The following PHIP variants were observed in gnomAD, a reference collection of about 807,000 sequenced individuals.
The protein encoded by PHIP is PHIP subunit of CUL4-Ring ligase complex.
Under a neutral mutation model 236.8 loss-of-function variants are expected in PHIP, and 54 were observed. The observed-to-expected ratio is 0.23, with a 90% CI of 0.18 to 0.29. The LOEUF (loss-of-function observed/expected upper bound fraction) is 0.29. Ranked by LOEUF, PHIP falls within the 10% of genes least tolerant of loss-of-function variation. The pLI, the probability that PHIP is intolerant of heterozygous loss-of-function variation, is 1.00. For missense variants in PHIP, 1,370 were observed against 2,190.8 expected (o/e 0.63, Z 7.48); for synonymous variants, 756 against 718.9 (o/e 1.05, Z -0.83).
Position 78,945,446 on chromosome 6 carries a change from G to A in PHIP, c.4682C>T (p.Pro1561Leu). 6.2e-7 allele frequency: 1 copy of A among 1,610,812 alleles called. No homozygotes were observed. Among genetic ancestry groups the A allele is most frequent in the Non-Finnish European group, 8.5e-7 (1 of 1,177,202 alleles). ...HSKALNTLSSPGQSSFSHGTR... is the reference protein window; with the variant it reads ...HSKALNTLSSLGQSSFSHGTR... ...GCCATGACTAAAACTGGATTGACCAGGACTGGAAAGAGTATTCAAAGCTTT... is the reference window on the plus strand; with the variant it reads ...GCCATGACTAAAACTGGATTGACCAAGACTGGAAAGAGTATTCAAAGCTTT... The change falls in exon 39 of 40, where the codon CCT (proline) becomes CTT (leucine). Residue 1561 changes from proline (P) to leucine (L), a missense_variant. Around this residue, in one of 14 missense-constraint regions of PHIP, gnomAD observed 309 missense variants for 328.3 expected, o/e 0.94. Coordinates refer to ENST00000275034, the MANE Select transcript of PHIP (RefSeq NM_017934.7).
chr6:79,026,720 G>C (rs527987620), intron 7 of PHIP, among the ~76,000 whole-genome samples: 2 of 151,834 alleles, frequency 1.3e-5, no homozygotes, highest in South Asian at 4.1e-4. Flanking sequence ...TGCCATAGTA[G>C]TGTAAGTCCA....
chr6:79,036,766 A>C (rs1365866400), intron 7 of PHIP, among the ~76,000 whole-genome samples: 3 of 151,726 alleles, frequency 2.0e-5, no homozygotes, highest in African/African-American at 4.8e-5. Context: ...CTAAAAATAC[A>C]AAAAATTAGC....
In PHIP at chr6:78,970,382, G is replaced by GA. The variant is rs202006249; in HGVS notation, c.2998-210dup. 2.4e-3 allele frequency among the ~76,000 whole-genome samples: 364 copies of GA among 149,624 alleles called. 1 individual carries two copies. Among genetic ancestry groups the GA allele is most frequent in the East Asian group, 6.3e-3 (32 of 5,120 alleles). On this transcript the variant is annotated intron_variant, in intron 25 of 39. Transcript: ENST00000275034. ...ATGAAATTTTTAAAACGTAAAAAAGGAAAAAAAAATAAGGAGAACTTTACT... is the reference window on the plus strand; with the variant it reads ...ATGAAATTTTTAAAACGTAAAAAAGGAAAAAAAAAATAAGGAGAACTTTACT...
In PHIP at chr6:78,990,870, T is replaced by G; in HGVS notation, c.2317A>C (p.Lys773Gln). 1 of 1,529,522 alleles carries G rather than the reference T, an allele frequency of 6.5e-7. No homozygotes were observed. Among genetic ancestry groups the G allele is most frequent in the Non-Finnish European group, 9.0e-7 (1 of 1,106,510 alleles). The allele number at this position is 1,529,522 out of a possible 1,614,324, so 94.7% of individuals were successfully genotyped here. ...PKENKIPTVS[K>Q]NHAHEHFLDL... ...ACATCAAAATAATTAATATGTACCT[T>G]TGAGACAGTGGGTATTTTATTCTCT... Residue 773 changes from lysine (K) to glutamine (Q), a missense_variant and splice_region_variant, in exon 20 of 40, where the codon AAG (lysine) becomes CAG (glutamine). This residue lies in a region of PHIP where 99 missense variants were observed against 110.0 expected (regional missense o/e 0.90). Transcript: ENST00000275034.
At chr6:78,994,571 T>C (rs566639869) in intron 19 of PHIP, among the ~76,000 whole-genome samples, 1 of 108,416 alleles carries the variant, frequency 9.2e-6, no homozygotes, top group African/African-American at 3.5e-5. Context: ...AGTAAGACTC[T>C]GTCTCAAAAA....
intron 6 of PHIP, among the ~76,000 whole-genome samples, chr6:79,056,024 T>C (rs1050474416): frequency 2.2e-4 from 33 of 152,170 alleles, no homozygotes; most frequent in African/African-American, 8.0e-4. Flanking sequence ...GTGTATGAAT[T>C]TCATCAACTA....
chr6:78,960,788 T>C (rs574289022), intron 31 of PHIP, among the ~76,000 whole-genome samples: 12 of 152,176 alleles, frequency 7.9e-5, no homozygotes, highest in Non-Finnish European at 1.5e-4. Context: ...AGGCACAGGA[T>C]AGCCCCTCAC....
At chr6:79,074,398 AAACT>A (rs1373256944) in intron 4 of PHIP, among the ~76,000 whole-genome samples, 3 of 152,200 alleles carry the variant, frequency 2.0e-5, no homozygotes, top group Non-Finnish European at 2.9e-5. Flanking sequence ...CAGACTTAAT[AAACT>A]AACTAGATTC....
chr6:79,002,339 T>C (rs1470731914), intron 16 of PHIP, among the ~76,000 whole-genome samples: 1 of 152,110 alleles, frequency 6.6e-6, no homozygotes, highest in East Asian at 1.9e-4. Context: ...TGCTTTAAAT[T>C]TTCTCTGAAA....
At chr6:78,970,677 C>A in intron 25 of PHIP, 104 bp downstream of exon 25, 1 of 705,138 alleles carries the variant, frequency 1.4e-6, no homozygotes, top group Non-Finnish European at 2.4e-6. Flanking sequence ...AAGGTATCTT[C>A]ATGATGCAGT....
intron 4 of PHIP, 57 bp from the exon 5 acceptor site, chr6:79,060,875 T>C: frequency 2.5e-6 from 3 of 1,212,598 alleles, no homozygotes; most frequent in South Asian, 3.1e-5. Flanking sequence ...ATTTTCAAAA[T>C]CTTTGAGCAA....
intron 39 of PHIP, 62 bp from the exon 40 acceptor site, chr6:78,941,392 T>G (rs764496088): frequency 9.8e-6 from 12 of 1,230,262 alleles, no homozygotes; most frequent in Non-Finnish European, 1.4e-5. Context: ...ACTCTCAAAC[T>G]TGTCAGTAAG....
At chr6:79,015,982 G>A (rs1562180932) in intron 13 of PHIP, among the ~76,000 whole-genome samples, 199 bp from the exon 14 acceptor site, 1 of 151,826 alleles carries the variant, frequency 6.6e-6, no homozygotes, top group Non-Finnish European at 1.5e-5. Context: ...CAGAATTCTA[G>A]CACTTCTAAG....
At chr6:78,993,954 G>A (rs1769437287) in intron 19 of PHIP, among the ~76,000 whole-genome samples, 1 of 152,202 alleles carries the variant, frequency 6.6e-6, no homozygotes, top group Admixed American at 6.5e-5. Flanking sequence ...ATTCACCATT[G>A]TAGATGCCAT....
At chr6:78,978,492 A>T in intron 24 of PHIP, 100 bp downstream of exon 24, 1 of 879,266 alleles carries the variant, frequency 1.1e-6, no homozygotes, top group Non-Finnish European at 1.7e-6. Flanking sequence ...GAGATACTTT[A>T]CAAAACTGCT....
At chr6:78,981,074 G>A (rs1259174849) in intron 23 of PHIP, among the ~76,000 whole-genome samples, 2 of 152,018 alleles carry the variant, frequency 1.3e-5, no homozygotes, top group African/African-American at 4.8e-5. Context: ...AGAATGTTTG[G>A]TTGAGGAAGA....
chr6:79,033,362 TAC>T (rs1284812761), intron 7 of PHIP, among the ~76,000 whole-genome samples: 1 of 152,254 alleles, frequency 6.6e-6, no homozygotes, highest in Non-Finnish European at 1.5e-5. Flanking sequence ...ATTTTTCCAA[TAC>T]ACAGCTGTTT....
intron 6 of PHIP, among the ~76,000 whole-genome samples, chr6:79,059,695 T>G (rs1033461316): frequency 1.4e-5 from 2 of 147,012 alleles, no homozygotes; most frequent in Non-Finnish European, 3.0e-5. Flanking sequence ...AAGAATTAAG[T>G]AAGATTTGAA....
intron 24 of PHIP, among the ~76,000 whole-genome samples, chr6:78,975,930 G>A (rs1488282942): frequency 1.3e-5 from 2 of 150,952 alleles, no homozygotes; most frequent in African/African-American, 2.4e-5. Flanking sequence ...AATCAATATT[G>A]TGAAAATGGC....
Sources: gnomAD v4.1 joint callset for allele counts (sites outside exome capture counted in the v4.1 genomes callset) on GRCh38, gnomAD v4.1.1 for gene constraint, gnomAD v4.1.1 regional missense constraint, MANE v1.5 for transcripts, NCBI Gene and HGNC (gene_info 2026-07-23, HGNC 2026-07-21) for gene names.